The following KCNK13 variants were observed in gnomAD, a reference collection of about 807,000 sequenced individuals.
KCNK13 encodes the protein potassium two pore domain channel subfamily K member 13, also known as potassium channel subfamily K member 13.
In KCNK13, 12 loss-of-function variants were observed where a neutral mutation model predicts 23.4. That is an observed-to-expected ratio of 0.51 (90% CI 0.33 to 0.83). KCNK13 has a LOEUF of 0.83. KCNK13 is among the 40% of genes least tolerant of loss of function. The pLI is 0.02. For synonymous variants in KCNK13, 231 were observed against 229.5 expected (o/e 1.01, Z -0.06); for missense variants, 463 against 556.3 (o/e 0.83, Z 1.69).
intron 1 of KCNK13, among the ~76,000 whole-genome samples, chr14:90,150,488 T>C (rs1890123169): frequency 6.6e-6 from 1 of 152,122 alleles, no homozygotes; most frequent in Non-Finnish European, 1.5e-5. Context: ...GGTAAAATTC[T>C]CAATCTGTCT....
chr14:90,064,694 G>A (rs985275956), intron 1 of KCNK13, among the ~76,000 whole-genome samples: 1 of 152,178 alleles, frequency 6.6e-6, no homozygotes, highest in Non-Finnish European at 1.5e-5. Context: ...CCTGTCACAG[G>A]GTTCTTGTGA....
intron 1 of KCNK13, among the ~76,000 whole-genome samples, chr14:90,086,567 G>A (rs1446577118): frequency 3.9e-5 from 6 of 152,146 alleles, no homozygotes; most frequent in Non-Finnish European, 8.8e-5. Context: ...TTTATTTGAT[G>A]TTACTGATGA....
chr14:90,087,356 T>G (rs544370983), intron 1 of KCNK13, among the ~76,000 whole-genome samples: 53 of 151,992 alleles, frequency 3.5e-4, no homozygotes, highest in Non-Finnish European at 5.7e-4. Flanking sequence ...AGTAACTGTG[T>G]TTTAATACAG....
At chr14:90,169,732 G>A (rs545854162) in intron 1 of KCNK13, among the ~76,000 whole-genome samples, 3 of 152,184 alleles carry the variant, frequency 2.0e-5, no homozygotes, top group South Asian at 2.1e-4. Flanking sequence ...TACATATCCC[G>A]AGGTACTTAC....
intron 1 of KCNK13, among the ~76,000 whole-genome samples, chr14:90,165,044 A>G (rs1224790492): frequency 1.3e-5 from 2 of 152,196 alleles, no homozygotes; most frequent in Non-Finnish European, 2.9e-5. Flanking sequence ...GCAAAGGGGA[A>G]GCAAGACATG....
At chr14:90,097,010 G>C (rs1889418013) in intron 1 of KCNK13, among the ~76,000 whole-genome samples, 1 of 152,150 alleles carries the variant, frequency 6.6e-6, no homozygotes, top group African/African-American at 2.4e-5. Flanking sequence ...CTTGGATCCA[G>C]CAGCACAAAC....
At chr14:90,157,045 G>A (rs1162726370) in intron 1 of KCNK13, among the ~76,000 whole-genome samples, 1 of 152,140 alleles carries the variant, frequency 6.6e-6, no homozygotes, top group Non-Finnish European at 1.5e-5. Context: ...AAGCAGCAAG[G>A]AATTTCATAT....
At chr14:90,077,182 C>G (rs1286913) in intron 1 of KCNK13, among the ~76,000 whole-genome samples, 1 of 144,194 alleles carries the variant, frequency 6.9e-6, no homozygotes, top group Non-Finnish European at 1.5e-5. Flanking sequence ...TTCAATGGTG[C>G]GATCTCAGCT....
intron 1 of KCNK13, among the ~76,000 whole-genome samples, chr14:90,167,310 A>G (rs9652393): frequency 0.94 from 143,644 of 152,210 alleles, 67,886 homozygotes; most frequent in Admixed American, 0.97. Flanking sequence ...CTTCCCAAAG[A>G]CGATCTATTT....
intron 1 of KCNK13, among the ~76,000 whole-genome samples, chr14:90,157,521 G>A (rs966754354): frequency 4.0e-5 from 6 of 151,794 alleles, no homozygotes; most frequent in African/African-American, 1.2e-4. Flanking sequence ...CCGGCCTCCC[G>A]AGTAGCTGAG....
intron 1 of KCNK13, among the ~76,000 whole-genome samples, chr14:90,085,770 T>TTA (rs1392283667): frequency 8.6e-6 from 1 of 116,492 alleles, no homozygotes; most frequent in Non-Finnish European, 1.8e-5. Context: ...ATTATATAAA[T>TTA]TATATATATT....
chr14:90,126,023 TAA>T lies in KCNK13; in HGVS notation c.335-58075_335-58074del, dbSNP rs34865130. Among the ~76,000 whole-genome samples, 868 of 145,286 alleles carry T rather than the reference TAA, an allele frequency of 6.0e-3. 7 individuals carry two copies. Among genetic ancestry groups the T allele is most frequent in the African/African-American group, 0.019 (734 of 39,270 alleles). On this transcript the variant is annotated intron_variant, in intron 1 of 1. Coordinates refer to ENST00000282146, the MANE Select transcript of KCNK13 (RefSeq NM_022054.4). ...CTGGGCAACATAGTGAGACGCTATT[TAA>T]AAAAAAAAAAAAGTGGAATTGGAGT...
chr14:90,178,931 G>A (rs1199103217), intron 1 of KCNK13, among the ~76,000 whole-genome samples: 7 of 152,172 alleles, frequency 4.6e-5, no homozygotes, highest in Admixed American at 6.5e-5. Context: ...AATGAAAGAG[G>A]CTGAAGAGCT....
chr14:90,102,041 A>G (rs964584836), intron 1 of KCNK13, among the ~76,000 whole-genome samples: 2 of 151,612 alleles, frequency 1.3e-5, no homozygotes, highest in Admixed American at 6.6e-5. Flanking sequence ...GTGCTACCAC[A>G]CCCGGCTAAT....
At chr14:90,148,351 G>A (rs950165748) in intron 1 of KCNK13, among the ~76,000 whole-genome samples, 2 of 152,180 alleles carry the variant, frequency 1.3e-5, no homozygotes, top group Non-Finnish European at 2.9e-5. Flanking sequence ...TGTTATACAT[G>A]CCACGATGAG....
intron 1 of KCNK13, among the ~76,000 whole-genome samples, chr14:90,136,979 G>A (rs1199896193): frequency 6.6e-6 from 1 of 152,198 alleles, no homozygotes; most frequent in African/African-American, 2.4e-5. Context: ...AACAAAGCAA[G>A]GGTCACTCAA....
In KCNK13 at chr14:90,127,014, C is replaced by T. The variant is rs988584589; in HGVS notation, c.335-57097C>T. Among the ~76,000 whole-genome samples the T allele has an allele frequency of 5.9e-5, 9 of 151,828 alleles. 1 individual carries two copies. The highest frequency in any genetic ancestry group is 7.4e-5 in the Non-Finnish European group (5 of 67,988). ...GACTAGTAAATGTAATGCAGTATCC[C>T]GGATCCTAGAAGAGAGAAAAGACAT... On this transcript the variant is annotated intron_variant, in intron 1 of 1. Transcript: ENST00000282146.
intron 1 of KCNK13, among the ~76,000 whole-genome samples, chr14:90,142,029 C>T (rs905915080): frequency 2.0e-5 from 3 of 148,506 alleles, no homozygotes; most frequent in African/African-American, 5.0e-5. Flanking sequence ...CCTCATGATC[C>T]GTCCGCCTCA....
chr14:90,070,886 A>G (rs1889066700), intron 1 of KCNK13, among the ~76,000 whole-genome samples: 3 of 152,306 alleles, frequency 2.0e-5, no homozygotes, highest in Admixed American at 1.3e-4. Flanking sequence ...TGAGAGGGCC[A>G]TACCTCTTCC....
Sources: gnomAD v4.1 joint callset for allele counts (sites outside exome capture counted in the v4.1 genomes callset) on GRCh38, gnomAD v4.1.1 for gene constraint, MANE v1.5 for transcripts, NCBI Gene and HGNC (gene_info 2026-07-23, HGNC 2026-07-21) for gene names.